UBA6: variants seen among roughly 807,000 people sequenced by gnomAD.
UBA6 encodes the protein ubiquitin-like modifier-activating enzyme 6.
In UBA6, 87 loss-of-function variants were observed where a neutral mutation model predicts 148.3. The observed-to-expected ratio is 0.59, with a 90% CI of 0.49 to 0.70. The LOEUF is 0.70. Among genes scored for constraint, UBA6 ranks in the 30% least tolerant of loss-of-function variants. The probability of loss-of-function intolerance (pLI) is 0.00; values close to 1 mark genes in which losing one functional copy is unlikely to be tolerated. For missense variants in UBA6, 1,186 were observed against 1,241.2 expected (o/e 0.96, Z 0.67); for synonymous variants, 376 against 401.0 (o/e 0.94, Z 0.75).
chr4:67,696,227 C>G (rs959408400), intron 2 of UBA6, among the ~76,000 whole-genome samples: 1 of 152,018 alleles, frequency 6.6e-6, no homozygotes, highest in Non-Finnish European at 1.5e-5. Flanking sequence ...AACTTAAATA[C>G]GTATTATTGT....
At chr4:67,687,676 T>G (rs1730604705) in intron 2 of UBA6, among the ~76,000 whole-genome samples, 1 of 152,200 alleles carries the variant, frequency 6.6e-6, no homozygotes. Flanking sequence ...AACTAGAATA[T>G]GAACTAAGAA....
At chr4:67,656,176 T>G (rs1183422450) in intron 13 of UBA6, among the ~76,000 whole-genome samples, 1 of 152,208 alleles carries the variant, frequency 6.6e-6, no homozygotes, top group Non-Finnish European at 1.5e-5. Flanking sequence ...GAATCCTCCC[T>G]AACTCATTTT....
chr4:67,669,728 T>C (rs1246521723), intron 8 of UBA6, among the ~76,000 whole-genome samples: 1 of 152,158 alleles, frequency 6.6e-6, no homozygotes, highest in African/African-American at 2.4e-5. Flanking sequence ...TTTAGAAATA[T>C]AACAAATTAG....
intron 32 of UBA6, among the ~76,000 whole-genome samples, chr4:67,619,488 C>A (rs369127720): frequency 7.2e-5 from 11 of 152,128 alleles, no homozygotes; most frequent in African/African-American, 2.4e-4. Context: ...CCAGCCTGGC[C>A]CACATGGCGA....
At chr4:67,662,285 T>C in intron 12 of UBA6, 30 bp from the exon 13 acceptor site, 1 of 1,597,290 alleles carries the variant, frequency 6.3e-7, no homozygotes, top group South Asian at 1.1e-5. Context: ...ACCCTAACTT[T>C]AATTTTCTCA....
chr4:67,667,065 TTCTTTC>T (rs1425626885), intron 9 of UBA6, among the ~76,000 whole-genome samples: 6 of 152,164 alleles, frequency 3.9e-5, no homozygotes, highest in Admixed American at 3.3e-4. Flanking sequence ...AATGTGGGTT[TTCTTTC>T]TCTTTATTTC....
At chr4:67,698,885 GGGA>G (rs1560506134) in intron 1 of UBA6, among the ~76,000 whole-genome samples, 1 of 151,966 alleles carries the variant, frequency 6.6e-6, no homozygotes, top group Non-Finnish European at 1.5e-5. Flanking sequence ...GCTTGAACCC[GGGA>G]GGAGGAGGCT....
At chr4:67,635,605 A>G (rs372545497) in intron 19 of UBA6, 47 bp from the exon 20 acceptor site, 4 of 1,166,684 alleles carry the variant, frequency 3.4e-6, no homozygotes, top group Middle Eastern at 3.9e-4. Flanking sequence ...GAGCAATAAC[A>G]ATGTAACCAA....
rs556968562 is a variant in UBA6, at chr4:67,664,156, A to T, written c.898-209T>A. On this transcript the variant is annotated intron_variant, in intron 10 of 32. Transcript: ENST00000322244. ...AAAAAAAGTTAAATGCAATAAAACA[A>T]CCTGCTCTACATAATAAATTTGGGA... 2.0e-5 allele frequency among the ~76,000 whole-genome samples: 3 copies of T among 152,340 alleles called. No individual in the cohort carries two copies. The East Asian group carries it at 5.8e-4, about 29-fold the overall frequency.
rs539298904 is a variant in UBA6, at chr4:67,615,940, G to C, written c.*3057C>G. ...GGAAGGAACTACATGTGTAATTTCTGAACTGCTGTCAATATATTCTACTAA... is the reference window on the plus strand; with the variant it reads ...GGAAGGAACTACATGTGTAATTTCTCAACTGCTGTCAATATATTCTACTAA... On this transcript the variant is annotated 3_prime_UTR_variant, in exon 33 of 33. Transcript: ENST00000322244. The C allele has an allele frequency of 2.9e-6, 1 of 345,704 alleles. No individual in the cohort carries two copies. 21.4% of individuals were successfully genotyped at this position (345,704 alleles called of 1,614,324 possible).
At chr4:67,691,406 C>T (rs998845273) in intron 2 of UBA6, among the ~76,000 whole-genome samples, 8 of 152,156 alleles carry the variant, frequency 5.3e-5, no homozygotes, top group African/African-American at 1.9e-4. Context: ...GTAGTACATA[C>T]TGCACTACTG....
rs1730845663 is a variant in UBA6 at position 67,696,592 on chromosome 4, A to G, written c.134+53T>C. On this transcript the variant is annotated intron_variant, in intron 2 of 32. Transcript: ENST00000322244. ...GTATCTTCAAAGAGACTACTTGATT[A>G]TTTGAGAACAATTAATGGGGAAAAT... 14 of 1,426,042 alleles carry G rather than the reference A, an allele frequency of 9.8e-6. No individual in the cohort carries two copies. In the South Asian group the frequency reaches 1.7e-4, roughly 18 times the overall value. 88.3% of individuals were successfully genotyped at this position (1,426,042 alleles called of 1,614,324 possible).
Position 67,665,241 on chromosome 4 carries a change from T to C in UBA6, c.845A>G (p.Tyr282Cys). Reference sequence around the variant, plus strand: ...TTGGACAGCTATGCCTCCATGTAAATATGGTTCCAGTTCTGTGGTGTCACC... The same window carrying C: ...TTGGACAGCTATGCCTCCATGTAAACATGGTTCCAGTTCTGTGGTGTCACC... ...SIGDTTELEP[Y>C]LHGGIAVQVK... The change falls in exon 10 of 33, where the codon TAT (tyrosine) becomes TGT (cysteine). Residue 282 changes from tyrosine (Y) to cysteine (C), a missense_variant. Tyr to Cys is a radical substitution (Grantham distance 194). Transcript: ENST00000322244. The C allele has an allele frequency of 6.2e-7, 1 of 1,607,416 alleles. No individual in the cohort carries two copies.
intron 13 of UBA6, among the ~76,000 whole-genome samples, chr4:67,655,489 A>T (rs9997057): frequency 0.15 from 23,082 of 152,244 alleles, 1,820 homozygotes; most frequent in South Asian, 0.22. Flanking sequence ...CTTTGAAACC[A>T]ATGAGAACAA....
rs752776692 is a variant in UBA6, at chr4:67,634,235, T to C, written c.2013+7A>G. 6.4e-7 allele frequency: 1 copy of C among 1,566,862 alleles called. No homozygotes were observed. Reference sequence around the variant, plus strand: ...TTAAGTTTGTATTAAAATTTACTGATTTTTACCTGTAAGACTTCTTCTGCA... The same window carrying C: ...TTAAGTTTGTATTAAAATTTACTGACTTTTACCTGTAAGACTTCTTCTGCA... On this transcript the variant is annotated splice_region_variant and intron_variant, in intron 22 of 32. Coordinates refer to ENST00000322244, the MANE Select transcript of UBA6 (RefSeq NM_018227.6).
chr4:67,676,416 C>A (rs189174056), intron 6 of UBA6, among the ~76,000 whole-genome samples: 64 of 152,290 alleles, frequency 4.2e-4, no homozygotes, highest in African/African-American at 1.4e-3. Flanking sequence ...TGTGACAGCA[C>A]GCCTAATGGT....
In UBA6 at chr4:67,617,916, T is replaced by C. The variant is rs1728662936; in HGVS notation, c.*1081A>G. On this transcript the variant is annotated 3_prime_UTR_variant, in exon 33 of 33. Coordinates refer to ENST00000322244, the MANE Select transcript of UBA6 (RefSeq NM_018227.6). ...TTTAATGAAAGTATTTATAAAAACATCTGCAATAGTTCATATCAGAAAACA... is the reference window on the plus strand; with the variant it reads ...TTTAATGAAAGTATTTATAAAAACACCTGCAATAGTTCATATCAGAAAACA... 1 of 151,820 alleles carries C rather than the reference T, an allele frequency of 6.6e-6. No individual in the cohort carries two copies. Among genetic ancestry groups the C allele is most frequent in the Admixed American group, 6.6e-5 (1 of 15,232 alleles). 9.4% of individuals were successfully genotyped at this position (151,820 alleles called of 1,614,324 possible). A position where few individuals can be genotyped will look rare whatever the true frequency, so the allele number is the denominator to read the frequency against.
chr4:67,662,626 G>A (rs1729890756), intron 12 of UBA6: 3 of 186,166 alleles, frequency 1.6e-5, no homozygotes, highest in Non-Finnish European at 3.3e-5. Flanking sequence ...ACCACGCCTG[G>A]TAATTTCTGT....
intron 7 of UBA6, among the ~76,000 whole-genome samples, chr4:67,672,550 A>T (rs1422924499): frequency 6.6e-6 from 1 of 152,082 alleles, no homozygotes; most frequent in Non-Finnish European, 1.5e-5. Context: ...AAACAGATTA[A>T]AACTCACAGG....
Sources: gnomAD v4.1 joint callset for allele counts (sites outside exome capture counted in the v4.1 genomes callset) on GRCh38, gnomAD v4.1.1 for gene constraint, MANE v1.5 for transcripts, NCBI Gene and HGNC (gene_info 2026-07-23, HGNC 2026-07-21) for gene names.